HADHA: variants seen among roughly 807,000 people sequenced by gnomAD.
HADHA encodes trifunctional enzyme subunit alpha, mitochondrial.
A neutral mutation model predicts 91.3 loss-of-function variants in HADHA; 59 were observed. The observed-to-expected ratio is 0.65, with a 90% confidence interval of 0.52 to 0.80. The LOEUF (loss-of-function observed/expected upper bound fraction) is 0.80. Among genes scored for constraint, HADHA ranks in the 30% least tolerant of loss-of-function variants. The pLI is 0.00. For missense variants in HADHA, 800 were observed against 927.6 expected (o/e 0.86, Z 1.79); for synonymous variants, 320 against 338.9 (o/e 0.94, Z 0.61).
intron 5 of HADHA, 76 bp from the exon 6 acceptor site, chr2:26,232,355 A>G: frequency 1.0e-6 from 1 of 986,530 alleles, no homozygotes; most frequent in South Asian, 1.3e-5. Flanking sequence ...AAGGGTCTAA[A>G]GATTATTTAT....
intron 5 of HADHA, 57 bp downstream of exon 5, chr2:26,234,160 C>T: frequency 6.6e-7 from 1 of 1,521,282 alleles, no homozygotes; most frequent in South Asian, 1.1e-5. Context: ...GGGTTTACAG[C>T]TGATGAATGC....
chr2:26,207,998 A>T (rs1487904712), intron 11 of HADHA, among the ~76,000 whole-genome samples: 1 of 152,182 alleles, frequency 6.6e-6, no homozygotes, highest in East Asian at 1.9e-4. Flanking sequence ...TCAGTTTAAC[A>T]TATTTTGCCT....
At chr2:26,216,179 G>C (rs2147770607) in intron 7 of HADHA, among the ~76,000 whole-genome samples, 1 of 152,282 alleles carries the variant, frequency 6.6e-6, no homozygotes, top group South Asian at 2.1e-4. Flanking sequence ...TCAAAAGTCT[G>C]TAAGAGCCAC....
In HADHA at chr2:26,195,233, C is replaced by G. The variant is rs1558315590; in HGVS notation, c.1480-1G>C. ...GAGAGAAGTAGTGCATGCCAATCAC[C>G]TGGCAAGGGGAACCAAAAGCCAACA... On this transcript the variant is annotated splice_acceptor_variant, in intron 14 of 19. Coordinates refer to ENST00000380649, the MANE Select transcript of HADHA (RefSeq NM_000182.5). LOFTEE classifies it high-confidence loss of function. 1 of 1,612,464 alleles carries G rather than the reference C, an allele frequency of 6.2e-7. No homozygotes were observed. Among genetic ancestry groups the G allele is most frequent in the Admixed American group, 1.7e-5 (1 of 59,984 alleles).
chr2:26,243,799 T>G (rs1168560047), intron 1 of HADHA, among the ~76,000 whole-genome samples: 1 of 152,208 alleles, frequency 6.6e-6, no homozygotes, highest in Non-Finnish European at 1.5e-5. Flanking sequence ...CACTGCCAGT[T>G]TGAAAAGGAA....
intron 12 of HADHA, among the ~76,000 whole-genome samples, chr2:26,201,714 A>G (rs4665319): frequency 6.6e-6 from 1 of 152,104 alleles, no homozygotes; most frequent in African/African-American, 2.4e-5. Flanking sequence ...AAGCAGCCAA[A>G]GTGTGTCTGA....
In HADHA at chr2:26,232,337, A is replaced by C. The variant is rs1324011224; in HGVS notation, c.454-58T>G. The C allele has an allele frequency of 4.2e-6, 5 of 1,181,954 alleles. No homozygotes were observed. The Admixed American group carries it at 8.5e-5, about 20-fold the overall frequency. The allele number at this position is 1,181,954 out of a possible 1,614,324, so 73.2% of individuals were successfully genotyped here. On this transcript the variant is annotated intron_variant, in intron 5 of 19. Coordinates refer to ENST00000380649, the MANE Select transcript of HADHA (RefSeq NM_000182.5). ...GAAAATGTAACTTAGTAGCAACTTG[A>C]GATGGATAAGGGTCTAAAGATTATT...
At position 26,204,077 on chromosome 2, in the gene HADHA, T is replaced by G. The variant is rs1417300231; in HGVS notation, c.1205A>C (p.Gln402Pro). 1 of 1,614,062 alleles carries G rather than the reference T, an allele frequency of 6.2e-7. No homozygotes were observed. The highest frequency in any genetic ancestry group is 1.7e-5 in the Admixed American group (1 of 60,028). ...ATLTALDRGQ[Q>P]QVFKGLNDKV... ...GCAGGCTTACCCTTTGAACACTTGT[T>G]GCTGTCCTCGGTCTAGCGCAGTGAG... The change falls in exon 12 of 20, where the codon CAA (glutamine) becomes CCA (proline). Residue 402 changes from glutamine (Q) to proline (P), a missense_variant. Gln to Pro is a moderately conservative substitution (Grantham distance 76). Coordinates refer to ENST00000380649, the MANE Select transcript of HADHA (RefSeq NM_000182.5).
chr2:26,222,531 T>C (rs1670397962), intron 7 of HADHA, among the ~76,000 whole-genome samples: 1 of 152,194 alleles, frequency 6.6e-6, no homozygotes, highest in African/African-American at 2.4e-5. Flanking sequence ...GTTCTATGGA[T>C]AGCAGTCAGC....
chr2:26,194,263 C>T (rs1465476708), intron 16 of HADHA, among the ~76,000 whole-genome samples: 1 of 152,150 alleles, frequency 6.6e-6, no homozygotes, highest in Non-Finnish European at 1.5e-5. Context: ...CAAGCGGGCC[C>T]TGTTCTGGAT....
Position 26,204,196 on chromosome 2 carries a change from C to T in HADHA, c.1086G>A (p.Lys362=). 1 of 1,613,840 alleles carries T rather than the reference C, an allele frequency of 6.2e-7. No individual in the cohort carries two copies. The highest frequency in any genetic ancestry group is 2.2e-5 in the East Asian group (1 of 44,890). ...NKFGAPQKDV[K]HLAILGAGLM... Reference sequence around the variant, plus strand: ...GCCCTGCACCAAGAATAGCCAGATGCCTGCAAGGCAAGGATGAAATGACTT... The same window carrying T: ...GCCCTGCACCAAGAATAGCCAGATGTCTGCAAGGCAAGGATGAAATGACTT... Residue 362 remains lysine, a splice_region_variant and synonymous_variant, in exon 12 of 20, where the codon AAG becomes AAA. Coordinates refer to ENST00000380649, the MANE Select transcript of HADHA (RefSeq NM_000182.5).
intron 7 of HADHA, 81 bp from the exon 8 acceptor site, chr2:26,215,256 C>T: frequency 7.8e-7 from 1 of 1,282,870 alleles, no homozygotes; most frequent in South Asian, 1.2e-5. Flanking sequence ...CTTGCCAAAG[C>T]CAAAGGCCCT....
At position 26,219,525 on chromosome 2, in the gene HADHA, C is replaced by G. The variant is rs116663686; in HGVS notation, c.677-4350G>C. Among the ~76,000 whole-genome samples the G allele has an allele frequency of 3.5e-3, 533 of 152,352 alleles. 1 individual carries two copies. Among genetic ancestry groups the G allele is most frequent in the African/African-American group, 0.013 (525 of 41,582 alleles). On this transcript the variant is annotated intron_variant, in intron 7 of 19. Coordinates refer to ENST00000380649, the MANE Select transcript of HADHA (RefSeq NM_000182.5). ...GGGTTAGAGGACGCACCCTTCACCA[C>G]CACTGTGAGAAATCAATTTGTGAGG...
At chr2:26,227,710 T>G (rs1670517427) in intron 7 of HADHA, among the ~76,000 whole-genome samples, 1 of 151,964 alleles carries the variant, frequency 6.6e-6, no homozygotes, top group South Asian at 2.1e-4. Flanking sequence ...GGCATATGCC[T>G]CGTAATCCCG....
At chr2:26,220,676 C>CT (rs914869196) in intron 7 of HADHA, among the ~76,000 whole-genome samples, 3 of 152,104 alleles carry the variant, frequency 2.0e-5, no homozygotes, top group African/African-American at 7.2e-5. Flanking sequence ...CTGACAAAAG[C>CT]TTTTTTTTCT....
rs1006313329 is a variant in HADHA, at chr2:26,193,629, A to C, written c.1833T>G (p.Phe611Leu). Residue 611 changes from phenylalanine to leucine, a missense_variant, in exon 17 of 20, where the codon TTT (phenylalanine) becomes TTG (leucine). Transcript: ENST00000380649. ...EDLGKVFGER[F>L]GGGNPELLTQ... Reference sequence around the variant, plus strand: ...TCAGCAGTTCTGGGTTTCCACCTCCAAACCGCTCCCCAAAGACTTTGCCCA... The same window carrying C: ...TCAGCAGTTCTGGGTTTCCACCTCCCAACCGCTCCCCAAAGACTTTGCCCA... The C allele has an allele frequency of 1.2e-5, 19 of 1,613,942 alleles. No individual in the cohort carries two copies. The highest frequency in any genetic ancestry group is 1.6e-5 in the Non-Finnish European group (19 of 1,179,986).
intron 12 of HADHA, among the ~76,000 whole-genome samples, chr2:26,202,443 C>T (rs968142502): frequency 4.6e-5 from 7 of 152,062 alleles, no homozygotes; most frequent in Admixed American, 4.6e-4. Flanking sequence ...AAGGAGTATT[C>T]AAAGAAGGTC....
intron 9 of HADHA, 98 bp from the exon 10 acceptor site, chr2:26,212,724 G>C: frequency 1.2e-6 from 1 of 832,404 alleles, no homozygotes; most frequent in Non-Finnish European, 2.1e-6. Flanking sequence ...TCCTCAAAGA[G>C]TAAGTCAAAA....
At position 26,192,366 on chromosome 2, in the gene HADHA, C is replaced by T; in HGVS notation, c.1944G>A (p.Leu648=). The change falls in exon 18 of 20, where the codon TTG becomes TTA. Residue 648 remains leucine (L), a synonymous_variant. Transcript: ENST00000380649. ...IYQEGVKRKD[L]NSDMDSILAS... is the part of the protein sequence containing the mutation. Reference sequence around the variant, plus strand: ...CTAAAATACTATCCATGTCAGAATTCAAATCCTTCCTCTTCACACCCTCCT... The same window carrying T: ...CTAAAATACTATCCATGTCAGAATTTAAATCCTTCCTCTTCACACCCTCCT... The T allele has an allele frequency of 6.2e-7, 1 of 1,611,414 alleles. No homozygotes were observed.
Sources: allele counts gnomAD v4.1 joint callset (sites outside exome capture counted in the v4.1 genomes callset), GRCh38; gene constraint gnomAD v4.1.1; transcripts MANE v1.5; gene names NCBI Gene and HGNC (gene_info 2026-07-23, HGNC 2026-07-21).